CRYBG1: variants seen among roughly 807,000 people sequenced by gnomAD.
CRYBG1 encodes beta/gamma crystallin domain-containing protein 1.
A neutral mutation model predicts 189.2 loss-of-function variants in CRYBG1; 139 were observed. The observed-to-expected ratio is 0.73, with a 90% CI of 0.64 to 0.85. CRYBG1 has a LOEUF of 0.85. Among genes scored for constraint, CRYBG1 ranks in the 40% least tolerant of loss-of-function variants. The probability of loss-of-function intolerance (pLI) is 0.00; values close to 1 mark genes in which losing one functional copy is unlikely to be tolerated. For missense variants in CRYBG1, 2,611 were observed against 2,675.8 expected, an observed-to-expected ratio of 0.98 and a Z score of 0.53; for synonymous variants, 1,023 against 1,017.1, an observed-to-expected ratio of 1.01 and a Z score of -0.11.
chr6:106,528,528 C>T lies in CRYBG1; in HGVS notation c.4578+1058C>T, dbSNP rs376430504. Among the ~76,000 whole-genome samples the T allele has an allele frequency of 1.7e-3, 254 of 152,214 alleles. 1 individual carries two copies. The highest frequency in any genetic ancestry group is 5.9e-3 in the African/African-American group (245 of 41,510). On this transcript the variant is annotated intron_variant, in intron 7 of 21. Transcript: ENST00000633556. ...TCATAATACAGGTACAATGCTGTTC[C>T]ACCCTTCTCACCTAACACTGTGGTT...
At chr6:106,362,114 C>T (rs997377649) in intron 1 of CRYBG1, among the ~76,000 whole-genome samples, 1 of 142,716 alleles carries the variant, frequency 7.0e-6, no homozygotes, top group Non-Finnish European at 1.5e-5. Context: ...GGACCACAGG[C>T]GCCCGCCACC....
intron 1 of CRYBG1, among the ~76,000 whole-genome samples, chr6:106,396,517 G>A (rs1372349110): frequency 6.6e-6 from 1 of 152,120 alleles, no homozygotes; most frequent in Non-Finnish European, 1.5e-5. Flanking sequence ...GACAAACTTA[G>A]CACCAGAGAT....
In CRYBG1 at chr6:106,399,180, C is replaced by A. The variant is rs145014261; in HGVS notation, c.173+38099C>A. Among the ~76,000 whole-genome samples, 1,321 of 152,320 alleles carry A rather than the reference C, an allele frequency of 8.7e-3. 38 individuals carry two copies. Among genetic ancestry groups the A allele is most frequent in the Admixed American group, 0.042 (646 of 15,296 alleles). ...TGATGAATCCCACTTCCTGTCAAAA[C>A]TGCTTCACCTCAGAAAAACCTTTTG... is the stretch of plus-strand genomic sequence containing the variant. On this transcript the variant is annotated intron_variant, in intron 1 of 21. Coordinates refer to ENST00000633556, the MANE Select transcript of CRYBG1 (RefSeq NM_001371242.2).
intron 2 of CRYBG1, among the ~76,000 whole-genome samples, chr6:106,501,568 A>T (rs1460207108): frequency 1.3e-5 from 2 of 152,244 alleles, no homozygotes; most frequent in African/African-American, 4.8e-5. Flanking sequence ...TCGCACTGTT[A>T]ATAAAGCCAG....
At chr6:106,510,975 C>G (rs1773245592) in intron 2 of CRYBG1, among the ~76,000 whole-genome samples, 1 of 152,166 alleles carries the variant, frequency 6.6e-6, no homozygotes, top group Admixed American at 6.5e-5. Context: ...CTTCGTCCTC[C>G]TTCCCTCCTA....
rs545675207 is a variant in CRYBG1, at chr6:106,483,027, T to A, written c.313-28403T>A. ...AGCCTCTCTTCTAGCTATTTTGTAA[T>A]ATACAGTACCTTACTGTTAACATCA... On this transcript the variant is annotated intron_variant, in intron 2 of 21. Transcript: ENST00000633556. Among the ~76,000 whole-genome samples, 42 of 152,308 alleles carry A rather than the reference T, an allele frequency of 2.8e-4. 1 individual carries two copies. The South Asian group carries it at 8.7e-3, about 32-fold the overall frequency.
At position 106,381,682 on chromosome 6, in the gene CRYBG1, CTATGCCGTCT is replaced by C. The variant is rs1227011709; in HGVS notation, c.173+20603_173+20612del. On this transcript the variant is annotated intron_variant, in intron 1 of 21. Transcript: ENST00000633556. ...CTGGATACCATTGCAGAACTCAGAA[CTATGCCGTCT>C]TTGGGGAGAGGAGCTGGAGTATTAA... 3.1e-4 allele frequency among the ~76,000 whole-genome samples: 47 copies of C among 152,332 alleles called. No individual in the cohort carries two copies. In the South Asian group the frequency reaches 3.9e-3, roughly 13 times the overall value.
chr6:106,450,712 A>G (rs995253776), intron 1 of CRYBG1, among the ~76,000 whole-genome samples: 7 of 152,168 alleles, frequency 4.6e-5, no homozygotes, highest in Non-Finnish European at 8.8e-5. Context: ...AATCCTGCAC[A>G]TGGTCCCAAG....
chr6:106,372,117 TA>T (rs1770050817), intron 1 of CRYBG1, among the ~76,000 whole-genome samples: 1 of 152,252 alleles, frequency 6.6e-6, no homozygotes, highest in Admixed American at 6.5e-5. Context: ...ACAATTCCAC[TA>T]ACTTACAAAG....
intron 13 of CRYBG1, among the ~76,000 whole-genome samples, chr6:106,545,950 G>A (rs1177136160): frequency 2.6e-5 from 4 of 152,228 alleles, no homozygotes; most frequent in Non-Finnish European, 5.9e-5. Context: ...AAAGTGCTGG[G>A]ATTACAGGCA....
chr6:106,447,939 C>T (rs373936766), intron 1 of CRYBG1, among the ~76,000 whole-genome samples: 7 of 152,088 alleles, frequency 4.6e-5, no homozygotes, highest in African/African-American at 9.7e-5. Context: ...CCTCTTGGCA[C>T]GATTTCAAGT....
rs1235279714 is a variant in CRYBG1 at position 106,512,261 on chromosome 6, T to C, written c.1144T>C (p.Leu382=). 2.6e-6 allele frequency: 4 copies of C among 1,557,478 alleles called. No individual in the cohort carries two copies. In the Admixed American group the frequency reaches 7.8e-5, roughly 30 times the overall value. ...TAAGGTGCTAACTTTGGACATCTAC[T>C]TGAGTAAGACTGAGGGGGCACAAGT... ...PAKVLTLDIY[L]SKTEGAQVDE... Residue 382 remains leucine, a synonymous_variant, in exon 3 of 22, where the codon TTG becomes CTG. Coordinates refer to ENST00000633556, the MANE Select transcript of CRYBG1 (RefSeq NM_001371242.2).
At chr6:106,466,995 C>T (rs1218121990) in intron 2 of CRYBG1, among the ~76,000 whole-genome samples, 2 of 152,110 alleles carry the variant, frequency 1.3e-5, no homozygotes, top group Admixed American at 6.6e-5. Flanking sequence ...GAACTGAAAT[C>T]TCAGAAACCG....
At chr6:106,364,314 T>C (rs2114286955) in intron 1 of CRYBG1, among the ~76,000 whole-genome samples, 1 of 144,818 alleles carries the variant, frequency 6.9e-6, no homozygotes, top group African/African-American at 2.6e-5. Context: ...GCAACAAGAG[T>C]GAAACTCCAT....
At chr6:106,494,066 A>T (rs1371205717) in intron 2 of CRYBG1, among the ~76,000 whole-genome samples, 3 of 152,248 alleles carry the variant, frequency 2.0e-5, no homozygotes, top group Non-Finnish European at 4.4e-5. Flanking sequence ...GTCAGTCTGC[A>T]TACATATGCA....
intron 1 of CRYBG1, among the ~76,000 whole-genome samples, chr6:106,432,515 C>G (rs1582759166): frequency 9.3e-6 from 1 of 107,578 alleles, no homozygotes; most frequent in African/African-American, 2.9e-5. Context: ...TACCTACCCC[C>G]CAGGGAGTTA....
chr6:106,379,293 T>A (rs1770240288), intron 1 of CRYBG1, among the ~76,000 whole-genome samples: 1 of 151,676 alleles, frequency 6.6e-6, no homozygotes, highest in Non-Finnish European at 1.5e-5. Context: ...ACAGAGTCTC[T>A]CTCTGTTGCC....
rs752897207 is a variant in CRYBG1 at position 106,555,852 on chromosome 6, A to T, written c.5670A>T (p.Gly1890=). Reference sequence around the variant, plus strand: ...ATTATCCTTGTCTGTCTGCAATGGGATGCCCGCCTGGAGCAACTTTCAAGT... The same window carrying T: ...ATTATCCTTGTCTGTCTGCAATGGGTTGCCCGCCTGGAGCAACTTTCAAGT... ...EGHYPCLSAM[G]CPPGATFKSL... Residue 1890 remains glycine, a synonymous_variant, in exon 17 of 22, where the codon GGA becomes GGT. Coordinates refer to ENST00000633556, the MANE Select transcript of CRYBG1 (RefSeq NM_001371242.2). 6.2e-7 allele frequency: 1 copy of T among 1,614,068 alleles called. No homozygotes were observed. The highest frequency in any genetic ancestry group is 1.3e-5 in the African/African-American group (1 of 74,928).
At chr6:106,523,143 AC>A (rs76363238) in intron 4 of CRYBG1, among the ~76,000 whole-genome samples, 33,573 of 152,016 alleles carry the variant, frequency 0.22, 4,193 homozygotes, top group South Asian at 0.3. Context: ...AAGGCAGGTG[AC>A]CTCTTCTTAT....
Sources: gnomAD v4.1 joint callset for allele counts (sites outside exome capture counted in the v4.1 genomes callset) on GRCh38, gnomAD v4.1.1 for gene constraint, MANE v1.5 for transcripts, NCBI Gene and HGNC (gene_info 2026-07-23, HGNC 2026-07-21) for gene names.